The following TMEM132B variants were observed in gnomAD, a reference collection of about 807,000 sequenced individuals.
TMEM132B encodes transmembrane protein 132B.
TMEM132B carries 18 observed loss-of-function variants against 90.8 expected under a neutral mutation model. The ratio of observed to expected loss-of-function variants is 0.20; its 90% CI spans 0.14 to 0.29. The LOEUF (loss-of-function observed/expected upper bound fraction) is 0.29, where lower values mean the gene tolerates loss of function less well. TMEM132B is among the 10% of genes least tolerant of loss of function. TMEM132B has a pLI of 1.00. For synonymous variants in TMEM132B, 504 were observed against 523.3 expected (o/e 0.96, Z 0.50); for missense variants, 1,096 against 1,326.8 (o/e 0.83, Z 2.70).
intron 5 of TMEM132B, among the ~76,000 whole-genome samples, chr12:125,626,483 T>TA (rs1024948391): frequency 6.6e-6 from 1 of 152,242 alleles, no homozygotes; most frequent in African/African-American, 2.4e-5. Context: ...ATAGTGGTTG[T>TA]ACTAAGGTAG....
intron 3 of TMEM132B, among the ~76,000 whole-genome samples, chr12:125,463,415 G>C (rs1466283414): frequency 6.6e-6 from 1 of 152,206 alleles, no homozygotes; most frequent in Non-Finnish European, 1.5e-5. Flanking sequence ...CTCTCTGTTA[G>C]TTGCTTATAG....
intron 3 of TMEM132B, among the ~76,000 whole-genome samples, chr12:125,495,974 A>C (rs1458665568): frequency 6.6e-6 from 1 of 152,206 alleles, no homozygotes; most frequent in Non-Finnish European, 1.5e-5. Flanking sequence ...TTTAATATGC[A>C]AGGTGTTTGA....
At chr12:125,204,194 T>G (rs1000650090) in intron 1 of TMEM132B, among the ~76,000 whole-genome samples, 2 of 151,972 alleles carry the variant, frequency 1.3e-5, no homozygotes, top group African/African-American at 4.8e-5. Flanking sequence ...GGCACTGTGC[T>G]TAGCTCTTTA....
chr12:125,604,173 A>G (rs1365218224), intron 5 of TMEM132B, among the ~76,000 whole-genome samples: 2 of 152,248 alleles, frequency 1.3e-5, no homozygotes, highest in Non-Finnish European at 2.9e-5. Context: ...ACTATTTACA[A>G]TAGCAAAGAG....
At chr12:125,491,165 A>G (rs1882340585) in intron 3 of TMEM132B, among the ~76,000 whole-genome samples, 2 of 152,188 alleles carry the variant, frequency 1.3e-5, no homozygotes, top group Admixed American at 6.5e-5. Flanking sequence ...GTGAAATAAT[A>G]CATGTTTATT....
chr12:125,359,881 C>A (rs2136248253), intron 2 of TMEM132B, among the ~76,000 whole-genome samples: 1 of 152,282 alleles, frequency 6.6e-6, no homozygotes, highest in Admixed American at 6.5e-5. Context: ...AGATTGAGAC[C>A]ATCCTGGCCA....
chr12:125,447,425 T>G (rs1310510335), intron 3 of TMEM132B, among the ~76,000 whole-genome samples: 1 of 152,236 alleles, frequency 6.6e-6, no homozygotes, highest in African/African-American at 2.4e-5. Flanking sequence ...TAATATTATT[T>G]GATAACTTTA....
rs115189888 is a variant in TMEM132B at position 125,363,099 on chromosome 12, G to A, written c.959+12756G>A. On this transcript the variant is annotated intron_variant, in intron 2 of 8. Coordinates refer to ENST00000682704, the MANE Select transcript of TMEM132B (RefSeq NM_001366854.1). Reference sequence around the variant, plus strand: ...GGATTTCTCTGGGGTCGAGGCAGCAGGGTAGAGTGGCTCAGAGCTTGGAGC... The same window carrying A: ...GGATTTCTCTGGGGTCGAGGCAGCAAGGTAGAGTGGCTCAGAGCTTGGAGC... Among the ~76,000 whole-genome samples the A allele has an allele frequency of 1.4e-3, 214 of 152,334 alleles. 1 individual carries two copies. The highest frequency in any genetic ancestry group is 4.9e-3 in the African/African-American group (202 of 41,582).
intron 6 of TMEM132B, among the ~76,000 whole-genome samples, chr12:125,646,749 G>T (rs891868557): frequency 3.3e-5 from 5 of 152,212 alleles, no homozygotes; most frequent in Admixed American, 6.5e-5. Context: ...GATTTCAGCT[G>T]CACCCAGGGT....
rs369457906 is a variant in TMEM132B, at chr12:125,350,150, C to A, written c.766C>A (p.Gln256Lys). The change falls in exon 2 of 9, where the codon CAA becomes AAA. Residue 256 changes from glutamine (Q) to lysine (K), a missense_variant. By Grantham distance (53) the Gln-to-Lys change is moderately conservative. Transcript: ENST00000682704. ...NIHSGLESPQ[Q>K]AFPARERIGS... ...CCACTCGGGCCTGGAGAGCCCCCAG[C>A]AAGCGTTTCCAGCCCGAGAGAGGAT... 20 of 1,614,228 alleles carry A rather than the reference C, an allele frequency of 1.2e-5. No individual in the cohort carries two copies. In the African/African-American group the frequency reaches 2.0e-4, roughly 16 times the overall value.
At chr12:125,633,734 A>G (rs938493810) in intron 5 of TMEM132B, among the ~76,000 whole-genome samples, 5 of 152,222 alleles carry the variant, frequency 3.3e-5, no homozygotes, top group Non-Finnish European at 7.3e-5. Flanking sequence ...TTTATTAGAC[A>G]GAGATTCTTA....
intron 1 of TMEM132B, among the ~76,000 whole-genome samples, chr12:125,230,753 C>CT (rs1351342416): frequency 6.6e-6 from 1 of 151,952 alleles, no homozygotes; most frequent in East Asian, 1.9e-4. Context: ...ATCCGCCCGC[C>CT]TCGGCCTCGC....
intron 4 of TMEM132B, among the ~76,000 whole-genome samples, chr12:125,563,896 A>T (rs998043144): frequency 4.6e-5 from 7 of 152,210 alleles, no homozygotes; most frequent in Non-Finnish European, 8.8e-5. Flanking sequence ...AAGAGGCAAG[A>T]GAGCTTTCCT....
At chr12:125,436,008 T>C (rs1880688038) in intron 3 of TMEM132B, among the ~76,000 whole-genome samples, 1 of 151,732 alleles carries the variant, frequency 6.6e-6, no homozygotes, top group African/African-American at 2.4e-5. Flanking sequence ...CTAACAACAG[T>C]CTCCTATGAG....
intron 1 of TMEM132B, among the ~76,000 whole-genome samples, chr12:125,237,862 T>G (rs1873971492): frequency 1.3e-5 from 2 of 152,162 alleles, no homozygotes; most frequent in South Asian, 4.1e-4. Flanking sequence ...TGGTACATGG[T>G]GGATGCTTGG....
At chr12:125,575,078 A>ATATATATATATATATAT (rs1311570495) in intron 4 of TMEM132B, among the ~76,000 whole-genome samples, 2 of 108,966 alleles carry the variant, frequency 1.8e-5, no homozygotes, top group African/African-American at 6.7e-5. Context: ...ATATATATAT[A>ATATATATATATATATAT]TATATTCAGG....
chr12:125,345,441 G>GT (rs1198917601), intron 1 of TMEM132B, among the ~76,000 whole-genome samples: 1 of 152,210 alleles, frequency 6.6e-6, no homozygotes, highest in African/African-American at 2.4e-5. Flanking sequence ...GTCCAGGAAT[G>GT]TTTTTTGTGT....
intron 1 of TMEM132B, among the ~76,000 whole-genome samples, chr12:125,337,719 G>A (rs977614268): frequency 2.0e-5 from 3 of 152,042 alleles, no homozygotes; most frequent in Admixed American, 1.3e-4. Flanking sequence ...TCAAATTTCC[G>A]GTATTCTGTT....
In TMEM132B at chr12:125,428,831, C is replaced by T. The variant is rs190188763; in HGVS notation, c.1106+13154C>T. On this transcript the variant is annotated intron_variant, in intron 3 of 8. Coordinates refer to ENST00000682704, the MANE Select transcript of TMEM132B (RefSeq NM_001366854.1). ...GTTGCTTTTCATAGGTACAGGCACA[C>T]GTGGTCCCATGCTATGTTGACCATG... is the stretch of plus-strand genomic sequence containing the variant. Among the ~76,000 whole-genome samples the T allele has an allele frequency of 1.2e-3, 184 of 152,306 alleles. 1 individual carries two copies. Among genetic ancestry groups the T allele is most frequent in the South Asian group, 3.7e-3 (18 of 4,822 alleles).
Sources: gnomAD v4.1 joint callset for allele counts (sites outside exome capture counted in the v4.1 genomes callset) on GRCh38, gnomAD v4.1.1 for gene constraint, MANE v1.5 for transcripts, NCBI Gene and HGNC (gene_info 2026-07-23, HGNC 2026-07-21) for gene names.